The following CTNNA3 variants were observed in gnomAD, a reference collection of about 807,000 sequenced individuals.
The protein encoded by CTNNA3 is catenin alpha-3.
Under a neutral mutation model 95.7 loss-of-function variants are expected in CTNNA3, and 76 were observed. That is an observed-to-expected ratio of 0.79 (90% confidence interval 0.66 to 0.96). The LOEUF (loss-of-function observed/expected upper bound fraction) is 0.96, where lower values mean the gene tolerates loss of function less well. CTNNA3 is among the 40% of genes least tolerant of loss of function. CTNNA3 has a pLI of 0.00. For missense variants in CTNNA3, 1,191 were observed against 1,089.8 expected (o/e 1.09, Z -1.31); for synonymous variants, 431 against 374.4 (o/e 1.15, Z -1.74).
At chr10:66,133,207 G>A (rs2083200350) in intron 13 of CTNNA3, among the ~76,000 whole-genome samples, 1 of 152,016 alleles carries the variant, frequency 6.6e-6, no homozygotes, top group African/African-American at 2.4e-5. Context: ...TACTTTTCTG[G>A]AATAAAACTT....
chr10:67,207,212 T>C (rs557749342), intron 6 of CTNNA3, among the ~76,000 whole-genome samples: 86 of 152,286 alleles, frequency 5.6e-4, no homozygotes, highest in African/African-American at 2.1e-3. Context: ...TTGACAGATA[T>C]AATTTTTTAG....
At chr10:66,058,782 G>C (rs546875548) in intron 15 of CTNNA3, among the ~76,000 whole-genome samples, 1 of 152,262 alleles carries the variant, frequency 6.6e-6, no homozygotes, top group South Asian at 2.1e-4. Context: ...ACCATGTTTA[G>C]GGATATTATA....
At chr10:66,053,807 T>C (rs2133546358) in intron 15 of CTNNA3, among the ~76,000 whole-genome samples, 1 of 152,238 alleles carries the variant, frequency 6.6e-6, no homozygotes, top group South Asian at 2.1e-4. Context: ...AAATGTACAA[T>C]AAATTATTGT....
At chr10:66,148,997 A>T (rs1442144039) in intron 13 of CTNNA3, among the ~76,000 whole-genome samples, 1 of 151,336 alleles carries the variant, frequency 6.6e-6, no homozygotes, top group Non-Finnish European at 1.5e-5. Context: ...ATATTTATGT[A>T]TATAATTTAA....
chr10:65,930,338 C>T (rs1373951345), intron 17 of CTNNA3, among the ~76,000 whole-genome samples: 1 of 152,056 alleles, frequency 6.6e-6, no homozygotes, highest in Non-Finnish European at 1.5e-5. Flanking sequence ...TCACCATCAG[C>T]CCAAGTTGTT....
intron 14 of CTNNA3, among the ~76,000 whole-genome samples, chr10:66,086,489 AT>A (rs757678011): frequency 1.3e-5 from 2 of 151,948 alleles, no homozygotes; most frequent in South Asian, 2.1e-4. Context: ...GGGCATGCGA[AT>A]TTTTTTTAAA....
intron 13 of CTNNA3, among the ~76,000 whole-genome samples, chr10:66,226,732 C>A (rs1243287442): frequency 6.6e-6 from 1 of 151,840 alleles, no homozygotes. Flanking sequence ...TAATGTATTT[C>A]ATCAATATTT....
At chr10:67,747,864 T>C (rs534019502) in intron 1 of CTNNA3, among the ~76,000 whole-genome samples, 1 of 152,168 alleles carries the variant, frequency 6.6e-6, no homozygotes, top group East Asian at 1.9e-4. Context: ...AGAACCATGA[T>C]AAAAGGTTAC....
intron 7 of CTNNA3, among the ~76,000 whole-genome samples, chr10:67,049,965 T>C (rs1854981875): frequency 6.6e-6 from 1 of 152,238 alleles, no homozygotes; most frequent in Non-Finnish European, 1.5e-5. Context: ...GATGTATTAT[T>C]CATAACTTAT....
intron 5 of CTNNA3, among the ~76,000 whole-genome samples, chr10:67,260,091 A>G (rs1054473965): frequency 6.6e-6 from 1 of 152,238 alleles, no homozygotes; most frequent in African/African-American, 2.4e-5. Context: ...TTTTATATAC[A>G]TTAGCGCTGC....
chr10:66,977,607 T>A (rs1292959539), intron 7 of CTNNA3, among the ~76,000 whole-genome samples: 1 of 152,202 alleles, frequency 6.6e-6, no homozygotes, highest in Non-Finnish European at 1.5e-5. Context: ...AGCATTCCTA[T>A]CTAAAGAGCT....
intron 10 of CTNNA3, among the ~76,000 whole-genome samples, chr10:66,560,614 A>G (rs1221038082): frequency 2.0e-5 from 3 of 152,054 alleles, no homozygotes; most frequent in East Asian, 1.9e-4. Flanking sequence ...AGCTAAATGG[A>G]TATTAGTTTA....
chr10:66,899,385 G>A (rs73327403), intron 7 of CTNNA3, among the ~76,000 whole-genome samples: 1 of 152,096 alleles, frequency 6.6e-6, no homozygotes, highest in Non-Finnish European at 1.5e-5. Flanking sequence ...CTGAAATCAA[G>A]ATGGTCGTTT....
chr10:67,393,866 G>A (rs182849367), intron 5 of CTNNA3, among the ~76,000 whole-genome samples: 45 of 152,252 alleles, frequency 3.0e-4, no homozygotes, highest in Middle Eastern at 3.4e-3. Context: ...GTGCTTATTA[G>A]TATTCTCATT....
At chr10:66,006,265 G>A (rs879740213) in intron 15 of CTNNA3, among the ~76,000 whole-genome samples, 22 of 151,626 alleles carry the variant, frequency 1.5e-4, no homozygotes, top group South Asian at 2.1e-4. Flanking sequence ...CGCCCGCCTC[G>A]GCCTCCCAAA....
At chr10:67,426,007 G>A (rs906501235) in intron 5 of CTNNA3, among the ~76,000 whole-genome samples, 1 of 152,060 alleles carries the variant, frequency 6.6e-6, no homozygotes, top group Non-Finnish European at 1.5e-5. Context: ...CCTATGGGGT[G>A]TCACAGGTCC....
In CTNNA3 at chr10:67,205,830, ACT is replaced by A. The variant is rs1863871811; in HGVS notation, c.843+13775_843+13776del. On this transcript the variant is annotated intron_variant, in intron 6 of 17. Coordinates refer to ENST00000433211, the MANE Select transcript of CTNNA3 (RefSeq NM_013266.4). ...AAAAGGGAGAGACACGTTACCATTT[ACT>A]TTAGAAAACTTGTCATGGTGAGTCT... Among the ~76,000 whole-genome samples the A allele has an allele frequency of 3.3e-5, 5 of 152,348 alleles. No homozygotes were observed. The South Asian group carries it at 8.3e-4, about 25-fold the overall frequency.
chr10:66,094,786 G>A (rs1201592673), intron 14 of CTNNA3, among the ~76,000 whole-genome samples: 1 of 152,102 alleles, frequency 6.6e-6, no homozygotes. Flanking sequence ...CTTGAATAAA[G>A]TCTTCCTCTC....
chr10:66,886,178 G>T (rs931186436), intron 7 of CTNNA3, among the ~76,000 whole-genome samples: 2 of 152,122 alleles, frequency 1.3e-5, no homozygotes, highest in Admixed American at 6.6e-5. Context: ...AAATAGGAGT[G>T]CCATAAATTT....
Sources: gnomAD v4.1 joint callset for allele counts (sites outside exome capture counted in the v4.1 genomes callset) on GRCh38, gnomAD v4.1.1 for gene constraint, MANE v1.5 for transcripts, NCBI Gene and HGNC (gene_info 2026-07-23, HGNC 2026-07-21) for gene names.